Variants in CPPED1 observed in about 807,000 individuals in gnomAD.
CPPED1 encodes the protein serine/threonine-protein phosphatase CPPED1.
CPPED1 carries 28 observed loss-of-function variants against 28.0 expected under a neutral mutation model. The observed-to-expected ratio is 1.00, with a 90% CI of 0.74 to 1.37. CPPED1 has a LOEUF of 1.37. Among genes scored for constraint, CPPED1 ranks in the 40% most tolerant of loss-of-function variants. CPPED1 has a pLI of 0.00. For missense variants in CPPED1, 504 were observed against 416.5 expected, an observed-to-expected ratio of 1.21 and a Z score of -1.83; for synonymous variants, 198 against 180.2, an observed-to-expected ratio of 1.10 and a Z score of -0.79.
intron 2 of CPPED1, among the ~76,000 whole-genome samples, chr16:12,728,631 T>C (rs1391306795): frequency 6.6e-6 from 1 of 152,198 alleles, no homozygotes; most frequent in Non-Finnish European, 1.5e-5. Flanking sequence ...ACTTGCATGA[T>C]TGCAACCTTC....
chr16:12,690,975 C>A (rs2079959665), intron 3 of CPPED1, among the ~76,000 whole-genome samples: 1 of 152,150 alleles, frequency 6.6e-6, no homozygotes, highest in South Asian at 2.1e-4. Flanking sequence ...GGACCCTGCC[C>A]CACACGGGTA....
At chr16:12,747,600 C>A (rs1294761081) in intron 2 of CPPED1, among the ~76,000 whole-genome samples, 10 of 152,024 alleles carry the variant, frequency 6.6e-5, no homozygotes, top group Non-Finnish European at 1.5e-4. Context: ...AACCTACACA[C>A]AACGAAAACT....
At chr16:12,698,478 T>C (rs550151457) in intron 3 of CPPED1, among the ~76,000 whole-genome samples, 19 of 152,306 alleles carry the variant, frequency 1.2e-4, no homozygotes, top group African/African-American at 4.3e-4. Context: ...GTTGCCCAGA[T>C]TGGCATGCAG....
At chr16:12,680,888 A>G (rs1163076027) in intron 3 of CPPED1, among the ~76,000 whole-genome samples, 1 of 152,116 alleles carries the variant, frequency 6.6e-6, no homozygotes, top group Non-Finnish European at 1.5e-5. Context: ...ATTAACACCT[A>G]TACACTTGGT....
In CPPED1 at chr16:12,705,001, C is replaced by T. The variant is rs2080042079; in HGVS notation, c.338G>A (p.Arg113Lys). 6.2e-7 allele frequency: 1 copy of T among 1,614,122 alleles called. No individual in the cohort carries two copies. Among genetic ancestry groups the T allele is most frequent in the African/African-American group, 1.3e-5 (1 of 75,058 alleles). Residue 113 changes from arginine (R) to lysine (K), a missense_variant, in exon 3 of 4, where the codon AGG becomes AAG. Physicochemically the swap from Arg to Lys is conservative, Grantham distance 26. Coordinates refer to ENST00000381774, the MANE Select transcript of CPPED1 (RefSeq NM_018340.3). Reference sequence around the variant, plus strand: ...CAGTGGGATGGCCCTGTCCACTGCCCTAAGCACTCGCTTCAGGTCCTCCGT... The same window carrying T: ...CAGTGGGATGGCCCTGTCCACTGCCTTAAGCACTCGCTTCAGGTCCTCCGT... Reference protein sequence around the residue: ...EQTEDLKRVLRAVDRAIPLVL... With the variant: ...EQTEDLKRVLKAVDRAIPLVL...
In CPPED1 at chr16:12,704,746, T is replaced by C. The variant is rs1377432771; in HGVS notation, c.593A>G (p.Gln198Arg). The change falls in exon 3 of 4, where the codon CAG (glutamine) becomes CGG (arginine). Residue 198 changes from glutamine (Q) to arginine (R), a missense_variant. Gln to Arg is a conservative substitution (Grantham distance 43, BLOSUM62 1). Coordinates refer to ENST00000381774, the MANE Select transcript of CPPED1 (RefSeq NM_018340.3). ...QLSIARQRHC[Q>R]HAIVFQHIPL... Reference sequence around the variant, plus strand: ...GATGTGCTGGAAGACGATGGCATGCTGGCAGTGCCGCTGCCTCGCGATGCT... The same window carrying C: ...GATGTGCTGGAAGACGATGGCATGCCGGCAGTGCCGCTGCCTCGCGATGCT... 3.1e-6 allele frequency: 5 copies of C among 1,614,226 alleles called. No individual in the cohort carries two copies. The Admixed American group carries it at 8.3e-5, about 27-fold the overall frequency.
At chr16:12,735,216 T>C (rs1341663665) in intron 2 of CPPED1, among the ~76,000 whole-genome samples, 3 of 152,190 alleles carry the variant, frequency 2.0e-5, no homozygotes, top group African/African-American at 7.2e-5. Context: ...TGCCTTTCTC[T>C]TGGGAAAAGA....
At chr16:12,734,019 G>A (rs1356583353) in intron 2 of CPPED1, among the ~76,000 whole-genome samples, 2 of 146,568 alleles carry the variant, frequency 1.4e-5, no homozygotes, top group African/African-American at 5.1e-5. Context: ...AATAATTACA[G>A]GACAATAATT....
chr16:12,690,393 A>T (rs73504096), intron 3 of CPPED1, among the ~76,000 whole-genome samples: 27,815 of 151,980 alleles, frequency 0.18, 4,079 homozygotes, highest in African/African-American at 0.41. Flanking sequence ...GAGCACCCAT[A>T]GTCCTGGCTA....
chr16:12,701,208 G>A (rs938606943), intron 3 of CPPED1, among the ~76,000 whole-genome samples: 1 of 151,752 alleles, frequency 6.6e-6, no homozygotes, highest in African/African-American at 2.4e-5. Context: ...CAGCCTGAGT[G>A]ACATAGTAAG....
At chr16:12,731,120 C>A (rs867501160) in intron 2 of CPPED1, among the ~76,000 whole-genome samples, 2 of 150,094 alleles carry the variant, frequency 1.3e-5, no homozygotes, top group Non-Finnish European at 3.0e-5. Context: ...CCAGCCTGGG[C>A]AACATATGGA....
At chr16:12,720,618 T>A (rs1250847148) in intron 2 of CPPED1, among the ~76,000 whole-genome samples, 1 of 152,158 alleles carries the variant, frequency 6.6e-6, no homozygotes, top group African/African-American at 2.4e-5. Flanking sequence ...CTCCTGAGTA[T>A]CTGGTACTAC....
chr16:12,754,454 A>AG (rs1231262803), intron 2 of CPPED1, among the ~76,000 whole-genome samples: 7 of 152,208 alleles, frequency 4.6e-5, no homozygotes, highest in African/African-American at 1.7e-4. Context: ...CACTCAGGGA[A>AG]GGGGGGCCCA....
chr16:12,758,744 G>A (rs1467618415), intron 2 of CPPED1, among the ~76,000 whole-genome samples: 1 of 152,162 alleles, frequency 6.6e-6, no homozygotes, highest in African/African-American at 2.4e-5. Context: ...TTTACTACAA[G>A]TAGAAGGAAT....
chr16:12,790,373 T>C (rs1216664279), intron 1 of CPPED1, among the ~76,000 whole-genome samples: 1 of 152,196 alleles, frequency 6.6e-6, no homozygotes, highest in Admixed American at 6.5e-5. Flanking sequence ...GAATTAGAAA[T>C]TTTATTGATT....
At chr16:12,740,444 CAAA>C (rs1237046217) in intron 2 of CPPED1, among the ~76,000 whole-genome samples, 7 of 100,272 alleles carry the variant, frequency 7.0e-5, no homozygotes, top group African/African-American at 6.9e-5. Flanking sequence ...GACTCTGCCT[CAAA>C]AAAAAAAAAA....
intron 1 of CPPED1, among the ~76,000 whole-genome samples, chr16:12,800,839 C>G (rs965036888): frequency 6.6e-6 from 1 of 152,130 alleles, no homozygotes; most frequent in African/African-American, 2.4e-5. Flanking sequence ...TCTTCCCTCC[C>G]TTCGTGGCCC....
At chr16:12,665,534 G>A (rs2079820850) in intron 3 of CPPED1, among the ~76,000 whole-genome samples, 2 of 152,176 alleles carry the variant, frequency 1.3e-5, no homozygotes, top group South Asian at 4.1e-4. Flanking sequence ...GCTCATGCCT[G>A]TAATCCCAGC....
chr16:12,780,040 T>C (rs909202431), intron 2 of CPPED1, among the ~76,000 whole-genome samples: 6 of 152,172 alleles, frequency 3.9e-5, no homozygotes, highest in African/African-American at 1.4e-4. Context: ...CATCGTTGAA[T>C]TTCCAACATC....
Sources: gnomAD v4.1 joint callset for allele counts (sites outside exome capture counted in the v4.1 genomes callset) on GRCh38, gnomAD v4.1.1 for gene constraint, MANE v1.5 for transcripts, NCBI Gene and HGNC (gene_info 2026-07-23, HGNC 2026-07-21) for gene names.